Variants in GUCY1B1 observed in about 807,000 individuals in gnomAD.
The protein encoded by GUCY1B1 is guanylate cyclase soluble subunit beta-1.
Under a neutral mutation model 71.0 loss-of-function variants are expected in GUCY1B1, and 43 were observed. The observed-to-expected ratio is 0.61, with a 90% CI of 0.47 to 0.78. The LOEUF (loss-of-function observed/expected upper bound fraction) is 0.78, where lower values mean the gene tolerates loss of function less well. GUCY1B1 is among the 30% of genes least tolerant of loss of function. The pLI, the probability that GUCY1B1 is intolerant of heterozygous loss-of-function variation, is 0.00. For synonymous variants in GUCY1B1, 266 were observed against 259.7 expected (o/e 1.02, Z -0.23); for missense variants, 535 against 754.1 (o/e 0.71, Z 3.40).
At chr4:155,791,759 A>C (rs1739195443) in intron 5 of GUCY1B1, among the ~76,000 whole-genome samples, 1 of 133,968 alleles carries the variant, frequency 7.5e-6, no homozygotes, top group South Asian at 2.9e-4. Flanking sequence ...AAAAAAAATA[A>C]AGCAAAACAA....
rs142949164 is a variant in GUCY1B1, at chr4:155,802,990, G to A, written c.1413+411G>A. Among the ~76,000 whole-genome samples, 963 of 152,252 alleles carry A rather than the reference G, an allele frequency of 6.3e-3. 13 individuals carry two copies. Among genetic ancestry groups the A allele is most frequent in the Middle Eastern group, 0.024 (7 of 294 alleles). ...AAGCATGAGAAGGACTCAGATTTGCGTTTAGATAACATCAACTTGAAGAAG... is the reference window on the plus strand; with the variant it reads ...AAGCATGAGAAGGACTCAGATTTGCATTTAGATAACATCAACTTGAAGAAG... On this transcript the variant is annotated intron_variant, in intron 10 of 13. Transcript: ENST00000264424. This position sits in a 1 kb window ranked among gnomAD's most constrained non-coding sequence, Gnocchi z 4.3.
At chr4:155,788,914 T>C (rs1738974081) in intron 4 of GUCY1B1, among the ~76,000 whole-genome samples, 1 of 151,390 alleles carries the variant, frequency 6.6e-6, no homozygotes, top group Admixed American at 6.6e-5. Context: ...AAAATCATCT[T>C]GGGCCACATA....
At chr4:155,780,255 C>T (rs1382159806) in intron 4 of GUCY1B1, among the ~76,000 whole-genome samples, 1 of 152,130 alleles carries the variant, frequency 6.6e-6, no homozygotes, top group East Asian at 1.9e-4. Flanking sequence ...TCTTTAAGAA[C>T]CTTGTATTTA....
At chr4:155,797,270 G>A (rs1739619521) in intron 8 of GUCY1B1, among the ~76,000 whole-genome samples, 1 of 152,062 alleles carries the variant, frequency 6.6e-6, no homozygotes, top group South Asian at 2.1e-4. Flanking sequence ...CAGTCAAGAA[G>A]GCATGTTTTG....
chr4:155,779,111 G>A (rs1383066774), intron 4 of GUCY1B1, among the ~76,000 whole-genome samples: 1 of 152,016 alleles, frequency 6.6e-6, no homozygotes, highest in Non-Finnish European at 1.5e-5. Flanking sequence ...TAGTGCATGA[G>A]GCTACTCAGC....
At chr4:155,803,990 A>T (rs1740135458) in intron 11 of GUCY1B1, among the ~76,000 whole-genome samples, 1 of 152,098 alleles carries the variant, frequency 6.6e-6, no homozygotes, top group African/African-American at 2.4e-5. Flanking sequence ...AGTCATGGGG[A>T]TGAGAAAAAA....
intron 4 of GUCY1B1, among the ~76,000 whole-genome samples, chr4:155,778,830 T>C (rs1261866673): frequency 6.6e-6 from 1 of 152,226 alleles, no homozygotes; most frequent in Non-Finnish European, 1.5e-5. Flanking sequence ...TTTGAATACA[T>C]ATTTCACTTT....
chr4:155,775,357 A>G (rs986825821), intron 3 of GUCY1B1, among the ~76,000 whole-genome samples: 11 of 152,108 alleles, frequency 7.2e-5, no homozygotes, highest in Non-Finnish European at 1.0e-4. Context: ...TAGTGGCCCA[A>G]CTCCGGCTCA....
chr4:155,802,121 C>A lies in GUCY1B1; in HGVS notation c.1176-221C>A. 2.9e-6 allele frequency: 3 copies of A among 1,023,298 alleles called. No homozygotes were observed. The highest frequency in any genetic ancestry group is 2.8e-6 in the Non-Finnish European group (2 of 726,258). 63.4% of individuals were successfully genotyped at this position (1,023,298 alleles called of 1,614,324 possible). On this transcript the variant is annotated intron_variant, in intron 9 of 13. Transcript: ENST00000264424. This position sits in a 1 kb window ranked among gnomAD's most constrained non-coding sequence, Gnocchi z 4.3. ...TTTGGTTTGAACTAGTTTGGGCTTG[C>A]GGATGTCTTATGTGATTAGGATGAA... is the stretch of plus-strand genomic sequence containing the variant.
At position 155,793,892 on chromosome 4, in the gene GUCY1B1, C is replaced by T. The variant is rs1261892259; in HGVS notation, c.532C>T (p.Gln178Ter). The change falls in exon 6 of 14, where the codon CAA (glutamine) becomes TAA (stop). Residue 178 changes from glutamine (Q) to a stop codon, truncating the protein, a stop_gained. Coordinates refer to ENST00000264424, the MANE Select transcript of GUCY1B1 (RefSeq NM_000857.5). LOFTEE classifies it high-confidence loss of function. Reference sequence around the variant, plus strand: ...AAGAAATGAAGAATGTGATCATACTCAATTTTTAATTGAAGAAAAAGAGTC... The same window carrying T: ...AAGAAATGAAGAATGTGATCATACTTAATTTTTAATTGAAGAAAAAGAGTC... ...QQRNEECDHT[Q>*]FLIEEKESKE... The T allele has an allele frequency of 6.4e-7, 1 of 1,563,774 alleles. No individual in the cohort carries two copies. Among genetic ancestry groups the T allele is most frequent in the Middle Eastern group, 1.7e-4 (1 of 5,970 alleles).
chr4:155,783,877 C>A (rs759058477), intron 4 of GUCY1B1, among the ~76,000 whole-genome samples: 12 of 152,166 alleles, frequency 7.9e-5, no homozygotes, highest in Non-Finnish European at 1.5e-4. Context: ...TCCACAACGC[C>A]AATTTCTATA....
intron 2 of GUCY1B1, among the ~76,000 whole-genome samples, chr4:155,766,790 T>C (rs1259654165): frequency 6.6e-6 from 1 of 152,226 alleles, no homozygotes; most frequent in Non-Finnish European, 1.5e-5. Flanking sequence ...TGTGTGGTGC[T>C]GTTTAAAGTC....
At chr4:155,760,768 T>G (rs77169028) in intron 2 of GUCY1B1, among the ~76,000 whole-genome samples, 7 of 152,198 alleles carry the variant, frequency 4.6e-5, no homozygotes, top group African/African-American at 1.2e-4. Flanking sequence ...GACTATCACA[T>G]TGTAACAAAG....
intron 4 of GUCY1B1, 58 bp from the exon 5 acceptor site, chr4:155,789,656 G>GA: frequency 1.0e-6 from 1 of 980,024 alleles, no homozygotes; most frequent in Non-Finnish European, 1.6e-6. Flanking sequence ...TGCTTTCCCA[G>GA]AGTCTGCTGT....
At chr4:155,806,317 A>T in intron 13 of GUCY1B1, 69 bp from the exon 14 acceptor site, 1 of 946,610 alleles carries the variant, frequency 1.1e-6, no homozygotes, top group Non-Finnish European at 1.7e-6. Flanking sequence ...AGAGAAAAAT[A>T]TATTTAATTG....
At chr4:155,805,031 C>A in intron 12 of GUCY1B1, 72 bp from the exon 13 acceptor site, 1 of 1,342,150 alleles carries the variant, frequency 7.5e-7, no homozygotes, top group South Asian at 1.3e-5. Flanking sequence ...TGGTTTATAA[C>A]ATGATACATG....
Position 155,796,412 on chromosome 4 carries a change from G to A in GUCY1B1, c.879G>A (p.Glu293=). 6.2e-7 allele frequency: 1 copy of A among 1,613,318 alleles called. No homozygotes were observed. Among genetic ancestry groups the A allele is most frequent in the South Asian group, 1.1e-5 (1 of 91,056 alleles). Residue 293 remains glutamate (E), a synonymous_variant, in exon 8 of 14, where the codon GAG becomes GAA. Transcript: ENST00000264424. ...GLLDVEKLEC[E]DELTGTEISC... ...TGGATGTGGAGAAATTAGAATGTGA[G>A]GATGAACTGACTGGGACTGAGATCA...
At chr4:155,771,966 G>A (rs946565135) in intron 2 of GUCY1B1, among the ~76,000 whole-genome samples, 16 of 152,120 alleles carry the variant, frequency 1.1e-4, no homozygotes, top group Admixed American at 2.0e-4. Context: ...TATAATAGCA[G>A]TGATTATCTC....
At chr4:155,765,571 A>G (rs549857684) in intron 2 of GUCY1B1, among the ~76,000 whole-genome samples, 14 of 152,330 alleles carry the variant, frequency 9.2e-5, no homozygotes, top group African/African-American at 3.1e-4. Flanking sequence ...ATTCTGAAGT[A>G]TTTATTGGAC....
Sources: allele counts gnomAD v4.1 joint callset (sites outside exome capture counted in the v4.1 genomes callset), GRCh38; gene constraint gnomAD v4.1.1; non-coding constraint Gnocchi (gnomAD v3.1); transcripts MANE v1.5; gene names NCBI Gene and HGNC (gene_info 2026-07-23, HGNC 2026-07-21).